Variants in OPHN1 observed in about 807,000 individuals in gnomAD.
OPHN1 encodes the protein oligophrenin 1, also known as oligophrenin-1.
OPHN1 carries 11 observed loss-of-function variants against 60.7 expected under a neutral mutation model. The observed-to-expected ratio is 0.18, with a 90% CI of 0.11 to 0.30. The LOEUF is 0.30. OPHN1 is among the 10% of genes least tolerant of loss of function. OPHN1 has a pLI of 1.00. For missense variants in OPHN1, 449 were observed against 611.0 expected (o/e 0.73, Z 2.80); for synonymous variants, 226 against 222.6 (o/e 1.02, Z -0.14).
At chrX:68,341,792 G>A (rs2078353243) in intron 2 of OPHN1, among the ~76,000 whole-genome samples, 1 of 109,815 alleles carries the variant, frequency 9.1e-6, no homozygotes, top group Non-Finnish European at 1.9e-5. Flanking sequence ...AGTCATGATC[G>A]TGCCACTGCA....
intron 5 of OPHN1, among the ~76,000 whole-genome samples, chrX:68,237,049 G>A (rs1042868511): frequency 8.9e-6 from 1 of 111,953 alleles, no homozygotes; most frequent in East Asian, 2.8e-4. Context: ...GCAGCAGTGC[G>A]ATCTCGGCTC....
rs190755360 is a variant in OPHN1 at position 68,164,930 on chromosome X, A to G, written c.1276+27989T>C. Reference sequence around the variant, plus strand: ...ACTTGCTGCTTCACTTTGCCCTTTTATGTTATAGAGACAGCTTCTTTCCTT... The same window carrying G: ...ACTTGCTGCTTCACTTTGCCCTTTTGTGTTATAGAGACAGCTTCTTTCCTT... On this transcript the variant is annotated intron_variant, in intron 15 of 24. Coordinates refer to ENST00000355520, the MANE Select transcript of OPHN1 (RefSeq NM_002547.3). Among the ~76,000 whole-genome samples, 7 of 112,511 alleles carry G rather than the reference A, an allele frequency of 6.2e-5. No individual in the cohort carries two copies. The East Asian group carries it at 2.0e-3, about 31-fold the overall frequency.
At chrX:68,151,561 G>C (rs751745660) in intron 15 of OPHN1, among the ~76,000 whole-genome samples, 22 of 111,908 alleles carry the variant, frequency 2.0e-4, no homozygotes, top group East Asian at 1.4e-3. Context: ...ACCCAGCATT[G>C]ACAAGTCCTG....
intron 2 of OPHN1, among the ~76,000 whole-genome samples, chrX:68,409,177 T>C (rs2078757948): frequency 8.9e-6 from 1 of 111,802 alleles, no homozygotes; most frequent in African/African-American, 3.3e-5. Flanking sequence ...TAGGTGTTCT[T>C]GATCCCATTT....
rs141511140 is a variant in OPHN1, at chrX:68,149,994, C to A, written c.1277-30662G>T. Among the ~76,000 whole-genome samples the A allele has an allele frequency of 1.1e-4, 12 of 111,504 alleles. No homozygotes were observed. In the East Asian group the frequency reaches 3.4e-3, roughly 31 times the overall value. ...GACAAAGCATGAAAAACTGAACATG[C>A]TACAATATGGACAAAACTCATAAAC... On this transcript the variant is annotated intron_variant, in intron 15 of 24. Coordinates refer to ENST00000355520, the MANE Select transcript of OPHN1 (RefSeq NM_002547.3).
At chrX:68,281,549 C>T (rs776694530) in intron 4 of OPHN1, among the ~76,000 whole-genome samples, 1 of 111,340 alleles carries the variant, frequency 9.0e-6, no homozygotes, top group African/African-American at 3.3e-5. Context: ...AAGTATGATC[C>T]ATTAAAGCAA....
Position 68,052,529 on chromosome X carries a change from C to A in OPHN1, c.2375+11G>T. The A allele has an allele frequency of 2.5e-6, 3 of 1,201,879 alleles. No individual in the cohort carries two copies. The South Asian group carries it at 5.4e-5, about 22-fold the overall frequency. On this transcript the variant is annotated intron_variant, in intron 23 of 24. Coordinates refer to ENST00000355520, the MANE Select transcript of OPHN1 (RefSeq NM_002547.3). ...CGATTTGGTTTTTCTTTTGTCACCT[C>A]CATATCTTACCTTCCTGTTTTCCGG...
rs1555941243 is a variant in OPHN1, at chrX:68,125,954, T to TAC, written c.1277-6623_1277-6622insGT. 1.3e-3 allele frequency among the ~76,000 whole-genome samples: 72 copies of TAC among 55,828 alleles called. 6 individuals are homozygous for TAC. Among genetic ancestry groups the TAC allele is most frequent in the Non-Finnish European group, 2.0e-3 (58 of 28,491 alleles). 48.5% of individuals were successfully genotyped at this position (55,828 alleles called of 115,157 possible). A position where few individuals can be genotyped will look rare whatever the true frequency, so the allele number is the denominator to read the frequency against. On this transcript the variant is annotated intron_variant, in intron 15 of 24. Transcript: ENST00000355520. ...CAATATATATATATATATATATATA[T>TAC]ATACATACACACACACACACACACA...
At chrX:68,376,878 T>G (rs2078559918) in intron 2 of OPHN1, among the ~76,000 whole-genome samples, 1 of 111,171 alleles carries the variant, frequency 9.0e-6, no homozygotes, top group Non-Finnish European at 1.9e-5. Flanking sequence ...TTTTCATATT[T>G]GTAGATGACT....
intron 2 of OPHN1, among the ~76,000 whole-genome samples, chrX:68,427,280 C>A (rs970820234): frequency 6.7e-5 from 7 of 105,050 alleles, no homozygotes; most frequent in South Asian, 8.1e-4. Flanking sequence ...AAAAAAAAAA[C>A]AACAACAACA....
chrX:68,209,990 TCC>T, intron 9 of OPHN1, 161 bp downstream of exon 9: 1 of 443,825 alleles, frequency 2.3e-6, no homozygotes, highest in Non-Finnish European at 3.7e-6. Flanking sequence ...TCTCAGTTTC[TCC>T]TTTTTTTTTT....
intron 2 of OPHN1, among the ~76,000 whole-genome samples, chrX:68,317,575 G>GAAAGAAAGAAAGAA (rs1341092923): frequency 1.4e-5 from 1 of 72,095 alleles, no homozygotes. Flanking sequence ...AAGAAAGAAA[G>GAAAGAAAGAAAGAA]AGAAAGAAAG....
At chrX:68,114,907 G>A (rs1229682897) in intron 16 of OPHN1, among the ~76,000 whole-genome samples, 1 of 111,855 alleles carries the variant, frequency 8.9e-6, no homozygotes, top group African/African-American at 3.3e-5. Flanking sequence ...GGGAAGTAGA[G>A]ATGCTAAGTC....
At chrX:68,321,585 C>G (rs1380320783) in intron 2 of OPHN1, among the ~76,000 whole-genome samples, 1 of 111,795 alleles carries the variant, frequency 8.9e-6, no homozygotes, top group Non-Finnish European at 1.9e-5. Context: ...CGTATGTTCT[C>G]ACTTACAAGT....
At chrX:68,079,932 C>T (rs1247449441) in intron 19 of OPHN1, among the ~76,000 whole-genome samples, 3 of 111,317 alleles carry the variant, frequency 2.7e-5, no homozygotes, top group African/African-American at 9.8e-5. Context: ...CTAATCTGTC[C>T]CCTCTGCTCA....
At chrX:68,237,386 T>C (rs1266672765) in intron 5 of OPHN1, among the ~76,000 whole-genome samples, 1 of 112,368 alleles carries the variant, frequency 8.9e-6, no homozygotes, top group Admixed American at 9.4e-5. Flanking sequence ...CCAATTTGTG[T>C]GAAATGGCCA....
intron 6 of OPHN1, among the ~76,000 whole-genome samples, chrX:68,221,801 G>C (rs1327992851): frequency 3.3e-5 from 3 of 92,237 alleles, no homozygotes; most frequent in Non-Finnish European, 4.3e-5. Context: ...AGACTTAAAC[G>C]TTAGACCTAA....
At chrX:68,424,684 T>C (rs2078845689) in intron 2 of OPHN1, among the ~76,000 whole-genome samples, 1 of 111,866 alleles carries the variant, frequency 8.9e-6, no homozygotes, top group Admixed American at 9.5e-5. Flanking sequence ...AGAGTCTGAT[T>C]GGAAAACTTT....
intron 2 of OPHN1, among the ~76,000 whole-genome samples, chrX:68,329,586 C>T (rs1249198329): frequency 8.9e-6 from 1 of 112,098 alleles, no homozygotes; most frequent in Non-Finnish European, 1.9e-5. Context: ...CACCTTCTAT[C>T]TTTTCTATAA....
Sources: allele counts gnomAD v4.1 joint callset (sites outside exome capture counted in the v4.1 genomes callset), GRCh38; gene constraint gnomAD v4.1.1; transcripts MANE v1.5; gene names NCBI Gene and HGNC (gene_info 2026-07-23, HGNC 2026-07-21).